ACO1: variants seen among roughly 807,000 people sequenced by gnomAD.
ACO1 encodes the protein aconitase 1.
ACO1 carries 78 observed loss-of-function variants against 105.1 expected under a neutral mutation model. The ratio of observed to expected loss-of-function variants is 0.74; its 90% CI spans 0.62 to 0.90. The LOEUF (loss-of-function observed/expected upper bound fraction) is 0.90. ACO1 is among the 40% of genes least tolerant of loss of function. The pLI is 0.00. For synonymous variants in ACO1, 364 were observed against 397.4 expected (o/e 0.92, Z 1.00); for missense variants, 965 against 1,111.1 (o/e 0.87, Z 1.87).
chr9:32,428,498 G>T (rs1822150200), intron 12 of ACO1, among the ~76,000 whole-genome samples: 1 of 151,090 alleles, frequency 6.6e-6, no homozygotes, highest in Admixed American at 6.6e-5. Flanking sequence ...TAACTGGTTT[G>T]CTTTTTTTTT....
chr9:32,398,064 G>A (rs1037493315), intron 1 of ACO1, among the ~76,000 whole-genome samples: 1 of 152,154 alleles, frequency 6.6e-6, no homozygotes, highest in Non-Finnish European at 1.5e-5. Flanking sequence ...TAGTTCTGCT[G>A]CCTGGGTTTA....
chr9:32,437,365 T>C (rs922470739), intron 18 of ACO1, among the ~76,000 whole-genome samples: 5 of 152,190 alleles, frequency 3.3e-5, no homozygotes, highest in African/African-American at 1.2e-4. Flanking sequence ...CCACCACACA[T>C]ACTGCCTCAC....
chr9:32,419,969 A>T (rs1415889469), intron 7 of ACO1, among the ~76,000 whole-genome samples: 1 of 152,220 alleles, frequency 6.6e-6, no homozygotes, highest in Non-Finnish European at 1.5e-5. Flanking sequence ...TGCAAAACAC[A>T]TTTCTCTCTG....
In ACO1 at chr9:32,431,819, T is replaced by A; in HGVS notation, c.1827T>A (p.Phe609Leu). The A allele has an allele frequency of 6.2e-7, 1 of 1,614,102 alleles. No individual in the cohort carries two copies. Among genetic ancestry groups the A allele is most frequent in the Non-Finnish European group, 8.5e-7 (1 of 1,180,000 alleles). The change falls in exon 15 of 21, where the codon TTT (phenylalanine) becomes TTA (leucine). Residue 609 changes from phenylalanine (F) to leucine (L), a missense_variant. Physicochemically the swap from Phe to Leu is conservative, Grantham distance 22 (BLOSUM62 0). Coordinates refer to ENST00000309951, the MANE Select transcript of ACO1 (RefSeq NM_002197.3). ...VERQYVIPGM[F>L]KEVYQKIETV... ...GTCAGTATGTCATCCCGGGGATGTT[T>A]AAGGAAGTCTATCAGAAAATAGAGG...
chr9:32,410,396 A>G (rs987487586), intron 4 of ACO1, among the ~76,000 whole-genome samples: 2 of 151,936 alleles, frequency 1.3e-5, no homozygotes, highest in East Asian at 3.9e-4. Context: ...ATCTCTACTA[A>G]AAATACAAAA....
At chr9:32,427,664 G>A (rs141102326) in intron 12 of ACO1, among the ~76,000 whole-genome samples, 3 of 152,266 alleles carry the variant, frequency 2.0e-5, no homozygotes, top group African/African-American at 7.2e-5. Context: ...AGTTGCTTTG[G>A]TTGAGTCAGT....
intron 7 of ACO1, among the ~76,000 whole-genome samples, chr9:32,420,508 G>A (rs1247371609): frequency 6.6e-6 from 1 of 152,128 alleles, no homozygotes; most frequent in African/African-American, 2.4e-5. Context: ...AGAGTACAGA[G>A]AATTCCTGTT....
chr9:32,428,600 A>T (rs1350260261), intron 12 of ACO1, among the ~76,000 whole-genome samples: 1 of 152,070 alleles, frequency 6.6e-6, no homozygotes, highest in Non-Finnish European at 1.5e-5. Context: ...GCACTTTGGG[A>T]GGCTGAGGCA....
intron 4 of ACO1, among the ~76,000 whole-genome samples, chr9:32,416,972 T>G (rs1821864793): frequency 1.3e-5 from 2 of 152,250 alleles, no homozygotes; most frequent in South Asian, 2.1e-4. Flanking sequence ...CTCTTGCTGT[T>G]ACTGTGGTGG....
chr9:32,430,688 AAGAAG>A, intron 14 of ACO1, 114 bp downstream of exon 14: 4 of 1,178,634 alleles, frequency 3.4e-6, no homozygotes, highest in Non-Finnish European at 4.7e-6. Context: ...GGATAAGACA[AAGAAG>A]AGAATAATTT....
In ACO1 at chr9:32,425,832, CT is replaced by C. The variant is rs778214990; in HGVS notation, c.1189-3del. The C allele has an allele frequency of 1.2e-6, 2 of 1,601,638 alleles. No homozygotes were observed. The highest frequency in any genetic ancestry group is 2.7e-5 in the African/African-American group (2 of 74,344). Reference sequence around the variant, plus strand: ...CCTATATAATATACATTTTTTCTTCCTTTAGCAAGGATTTAAAGGATTCCAA... The same window carrying C: ...CCTATATAATATACATTTTTTCTTCCTTAGCAAGGATTTAAAGGATTCCAA... On this transcript the variant is annotated splice_region_variant and splice_polypyrimidine_tract_variant and intron_variant, in intron 10 of 20. Transcript: ENST00000309951.
At chr9:32,411,219 A>G (rs547016697) in intron 4 of ACO1, among the ~76,000 whole-genome samples, 1 of 152,340 alleles carries the variant, frequency 6.6e-6, no homozygotes, top group African/African-American at 2.4e-5. Flanking sequence ...CAGGGAGGGC[A>G]ATCAGGTATT....
At chr9:32,445,715 AT>A in intron 19 of ACO1, 1 of 207,328 alleles carries the variant, frequency 4.8e-6, no homozygotes, top group Non-Finnish European at 1.0e-5. Context: ...TAGGATGTCG[AT>A]TTTAGAACTT....
chr9:32,384,757 C>T (rs1335105012), intron 1 of ACO1, 22 bp downstream of exon 1: 3 of 373,114 alleles, frequency 8.0e-6, no homozygotes, highest in Admixed American at 3.1e-5. Context: ...CGCGGCCCGA[C>T]CCACGTCCCC....
intron 10 of ACO1, among the ~76,000 whole-genome samples, chr9:32,425,494 T>C (rs1052457225): frequency 5.3e-5 from 8 of 152,224 alleles, no homozygotes; most frequent in African/African-American, 1.7e-4. Context: ...AATAATGTCA[T>C]TGAGTTCAAT....
chr9:32,417,661 T>A (rs1199696905), intron 4 of ACO1, among the ~76,000 whole-genome samples: 2 of 152,216 alleles, frequency 1.3e-5, no homozygotes, highest in African/African-American at 4.8e-5. Flanking sequence ...TATAAGGTAC[T>A]GATCCTCTAA....
At chr9:32,430,380 A>C (rs750339420) in intron 13 of ACO1, 38 bp from the exon 14 acceptor site, 39 of 1,590,396 alleles carry the variant, frequency 2.5e-5, no homozygotes, top group Non-Finnish European at 3.2e-5. Context: ...CCTAGTCAGT[A>C]TCTTTTAGTG....
At position 32,423,432 on chromosome 9, in the gene ACO1, C is replaced by T. The variant is rs1822020155; in HGVS notation, c.1071+13C>T. On this transcript the variant is annotated intron_variant, in intron 9 of 20. Coordinates refer to ENST00000309951, the MANE Select transcript of ACO1 (RefSeq NM_002197.3). ...AGACTTCACCCAGGTATGAGAGTGCCTTCCACTGTGCATGTATTTCCTCTT... is the reference window on the plus strand; with the variant it reads ...AGACTTCACCCAGGTATGAGAGTGCTTTCCACTGTGCATGTATTTCCTCTT... 2 of 1,533,226 alleles carry T rather than the reference C, an allele frequency of 1.3e-6. No individual in the cohort carries two copies. Among genetic ancestry groups the T allele is most frequent in the African/African-American group, 1.4e-5 (1 of 72,358 alleles). 95.0% of individuals were successfully genotyped at this position (1,533,226 alleles called of 1,614,324 possible).
chr9:32,401,490 T>A (rs1400377738), intron 1 of ACO1, among the ~76,000 whole-genome samples: 1 of 152,084 alleles, frequency 6.6e-6, no homozygotes, highest in Non-Finnish European at 1.5e-5. Flanking sequence ...TGCTACATGA[T>A]TGCTAAGGTT....
Sources: allele counts gnomAD v4.1 joint callset (sites outside exome capture counted in the v4.1 genomes callset), GRCh38; gene constraint gnomAD v4.1.1; transcripts MANE v1.5; gene names NCBI Gene and HGNC (gene_info 2026-07-23, HGNC 2026-07-21).